Variants in CCDC70 observed in about 807,000 individuals in gnomAD.
CCDC70 encodes coiled-coil domain-containing protein 70.
A neutral mutation model predicts 9.1 loss-of-function variants in CCDC70; 4 were observed. The ratio of observed to expected loss-of-function variants is 0.44; its 90% CI spans 0.22 to 1.00. The LOEUF is 1.00. Among genes scored for constraint, CCDC70 ranks in the 50% least tolerant of loss-of-function variants. CCDC70 has a pLI of 0.25. For missense variants in CCDC70, 308 were observed against 271.3 expected, an observed-to-expected ratio of 1.14 and a Z score of -0.95; for synonymous variants, 119 against 94.0, an observed-to-expected ratio of 1.27 and a Z score of -1.54.
chr13:51,865,799 G>A lies in CCDC70; in HGVS notation c.388G>A (p.Ala130Thr). 1.2e-6 allele frequency: 2 copies of A among 1,614,256 alleles called. No homozygotes were observed. Among genetic ancestry groups the A allele is most frequent in the African/African-American group, 1.3e-5 (1 of 75,062 alleles). Residue 130 changes from alanine to threonine, a missense_variant, in exon 2 of 2, where the codon GCC becomes ACC. Coordinates refer to ENST00000242819, the MANE Select transcript of CCDC70 (RefSeq NM_031290.4). ...TAAGGCCTTCTGGAAAGAGGACAAT[G>A]CCTTATGGGAAAGAGACCGGAACCT... Reference protein sequence around the residue: ...EDKAFWKEDNALWERDRNLLQ... With the variant: ...EDKAFWKEDNTLWERDRNLLQ...
At position 51,866,073 on chromosome 13, in the gene CCDC70, G is replaced by A; in HGVS notation, c.662G>A (p.Arg221Lys). Residue 221 changes from arginine (R) to lysine (K), a missense_variant, in exon 2 of 2, where the codon AGG (arginine) becomes AAG (lysine). Physicochemically the swap from Arg to Lys is conservative, Grantham distance 26 (BLOSUM62 2). Coordinates refer to ENST00000242819, the MANE Select transcript of CCDC70 (RefSeq NM_031290.4). ...CGCTTGCTGGCCTTCTCCCGAGGCA[G>A]GGCGTAGCCAGCATGCAGGTGCAGG... The part of the protein sequence containing the change: ...GQRLLAFSRG[R>K]A The A allele has an allele frequency of 6.4e-7, 1 of 1,571,320 alleles. No individual in the cohort carries two copies. The highest frequency in any genetic ancestry group is 8.6e-7 in the Non-Finnish European group (1 of 1,161,576).
intron 1 of CCDC70, 124 bp downstream of exon 1, chr13:51,862,353 G>A (rs1023384106): frequency 1.3e-5 from 2 of 152,204 alleles, no homozygotes; most frequent in Non-Finnish European, 1.5e-5. Context: ...TGTATCTTTA[G>A]TGCATGTTTT....
At position 51,865,383 on chromosome 13, in the gene CCDC70, C is replaced by T; in HGVS notation, c.-29C>T. On this transcript the variant is annotated 5_prime_UTR_variant, in exon 2 of 2. Coordinates refer to ENST00000242819, the MANE Select transcript of CCDC70 (RefSeq NM_031290.4). Reference sequence around the variant, plus strand: ...CCAAGGGTCCTGTCATCCCTCATGGCCACCCCGCCATTCCGGCTGATAAGG... The same window carrying T: ...CCAAGGGTCCTGTCATCCCTCATGGTCACCCCGCCATTCCGGCTGATAAGG... The T allele has an allele frequency of 6.3e-7, 1 of 1,587,430 alleles. No homozygotes were observed. Among genetic ancestry groups the T allele is most frequent in the Non-Finnish European group, 8.6e-7 (1 of 1,166,820 alleles).
intron 1 of CCDC70, among the ~76,000 whole-genome samples, chr13:51,862,528 G>C (rs1366561011): frequency 1.3e-5 from 2 of 152,188 alleles, no homozygotes; most frequent in South Asian, 2.1e-4. Context: ...TAACCCAGTA[G>C]ACGCCCATTC....
chr13:51,865,837 CAAGGCCCTGTGGGAGGAAGAA>C lies in CCDC70; in HGVS notation c.440_460del (p.Glu147_Trp153del), dbSNP rs1355286204. On this transcript the variant is annotated inframe_deletion, in exon 2 of 2. Coordinates refer to ENST00000242819, the MANE Select transcript of CCDC70 (RefSeq NM_031290.4). Reference sequence around the variant, plus strand: ...GAGACCGGAACCTTCTTCAGGAGGACAAGGCCCTGTGGGAGGAAGAAAAGGCCCTGTGGGTAGAGGAAAGAG... The same window carrying C: ...GAGACCGGAACCTTCTTCAGGAGGACAAGGCCCTGTGGGTAGAGGAAAGAG... 4.3e-6 allele frequency: 7 copies of C among 1,613,954 alleles called. No individual in the cohort carries two copies. The East Asian group carries it at 6.7e-5, about 15-fold the overall frequency.
At chr13:51,864,301 C>T (rs1437758058) in intron 1 of CCDC70, among the ~76,000 whole-genome samples, 1 of 152,166 alleles carries the variant, frequency 6.6e-6, no homozygotes, top group African/African-American at 2.4e-5. Flanking sequence ...AAGCCTCTCT[C>T]AAGTACTCAC....
chr13:51,865,987 T>C lies in CCDC70; in HGVS notation c.576T>C (p.Asn192=), dbSNP rs764778599. 9 of 1,613,860 alleles carry C rather than the reference T, an allele frequency of 5.6e-6. No individual in the cohort carries two copies. The highest frequency in any genetic ancestry group is 6.8e-6 in the Non-Finnish European group (8 of 1,179,926). The change falls in exon 2 of 2, where the codon AAT becomes AAC. Residue 192 remains asparagine, a synonymous_variant. Transcript: ENST00000242819. The part of the protein sequence containing the change: ...EEERAFWMEN[N]GHIAGEQMLE... ...AGAGGGCCTTCTGGATGGAGAACAA[T>C]GGCCACATTGCCGGAGAGCAGATGC...
At position 51,865,697 on chromosome 13, in the gene CCDC70, T is replaced by A; in HGVS notation, c.286T>A (p.Phe96Ile). 6.2e-7 allele frequency: 1 copy of A among 1,614,156 alleles called. No individual in the cohort carries two copies. Among genetic ancestry groups the A allele is most frequent in the Non-Finnish European group, 8.5e-7 (1 of 1,180,028 alleles). Residue 96 changes from phenylalanine (F) to isoleucine (I), a missense_variant, in exon 2 of 2, where the codon TTC (phenylalanine) becomes ATC (isoleucine). Physicochemically the swap from Phe to Ile is conservative, Grantham distance 21. Transcript: ENST00000242819. ...EKTFWKEEKS[F>I]WEMEKSFREE... ...AACCTTCTGGAAAGAGGAAAAATCC[T>A]TCTGGGAAATGGAAAAGTCTTTCAG...
chr13:51,863,285 G>T (rs577331), intron 1 of CCDC70, among the ~76,000 whole-genome samples: 14,602 of 152,156 alleles, frequency 0.096, 1,928 homozygotes, highest in African/African-American at 0.3. Flanking sequence ...TTCCTAGGGC[G>T]TTCAGCTTTG....
intron 1 of CCDC70, among the ~76,000 whole-genome samples, chr13:51,864,072 T>C (rs1193888334): frequency 6.6e-6 from 1 of 151,902 alleles, no homozygotes; most frequent in Non-Finnish European, 1.5e-5. Context: ...TCTTTCTCCT[T>C]CCCTCCCTCC....
intron 1 of CCDC70, among the ~76,000 whole-genome samples, chr13:51,863,816 G>A (rs1238145336): frequency 6.6e-6 from 1 of 152,144 alleles, no homozygotes; most frequent in African/African-American, 2.4e-5. Flanking sequence ...CGGATGATGG[G>A]TTGGTGAGAT....
chr13:51,865,205 C>T, intron 1 of CCDC70, 127 bp from the exon 2 acceptor site: 1 of 543,132 alleles, frequency 1.8e-6, no homozygotes, highest in Non-Finnish European at 3.2e-6. Flanking sequence ...CAAAGCTTGT[C>T]CCTCACAAAC....
In CCDC70 at chr13:51,865,801, C is replaced by CT. The variant is rs1287516499; in HGVS notation, c.392dup (p.Leu131PhefsTer31). On this transcript the variant is annotated frameshift_variant, in exon 2 of 2. Transcript: ENST00000242819. LOFTEE classifies it low-confidence loss of function (END_TRUNC). ...AGGCCTTCTGGAAAGAGGACAATGC[C>CT]TTATGGGAAAGAGACCGGAACCTTC... The CT allele has an allele frequency of 1.1e-5, 17 of 1,614,206 alleles. No homozygotes were observed. The highest frequency in any genetic ancestry group is 1.4e-5 in the Non-Finnish European group (17 of 1,180,034).
At chr13:51,862,725 T>C (rs1264129276) in intron 1 of CCDC70, among the ~76,000 whole-genome samples, 1 of 151,978 alleles carries the variant, frequency 6.6e-6, no homozygotes, top group Non-Finnish European at 1.5e-5. Context: ...TGAAGTGAGG[T>C]TGGGCAAGGA....
In CCDC70 at chr13:51,865,627, C is replaced by A; in HGVS notation, c.216C>A (p.Ile72=). 2 of 1,613,972 alleles carry A rather than the reference C, an allele frequency of 1.2e-6. No homozygotes were observed. Among genetic ancestry groups the A allele is most frequent in the South Asian group, 1.1e-5 (1 of 91,066 alleles). The change falls in exon 2 of 2, where the codon ATC becomes ATA. Residue 72 remains isoleucine (I), a synonymous_variant. Coordinates refer to ENST00000242819, the MANE Select transcript of CCDC70 (RefSeq NM_031290.4). ...AGATCCATGCTTTCCGGGGCCAGAT[C>A]CTGGGTTTTTGGGAAGAGGAGAGAC... ...RGKIHAFRGQ[I]LGFWEEERPF...
chr13:51,865,488 G>C lies in CCDC70; in HGVS notation c.77G>C (p.Arg26Pro), dbSNP rs371323657. Reference protein sequence around the residue: ...RSLAASSPSIRQKKLMHKLQE... With the variant: ...RSLAASSPSIPQKKLMHKLQE... ...CTGGCGGCATCCTCTCCCAGTATTC[G>C]CCAGAAGAAACTAATGCACAAGCTG... The change falls in exon 2 of 2, where the codon CGC becomes CCC. Residue 26 changes from arginine (R) to proline (P), a missense_variant. Coordinates refer to ENST00000242819, the MANE Select transcript of CCDC70 (RefSeq NM_031290.4). 5.0e-6 allele frequency: 8 copies of C among 1,614,046 alleles called. No individual in the cohort carries two copies. In the African/African-American group the frequency reaches 1.1e-4, roughly 22 times the overall value.
chr13:51,862,285 T>C (rs1244391760), intron 1 of CCDC70, 56 bp downstream of exon 1: 2 of 152,232 alleles, frequency 1.3e-5, no homozygotes, highest in African/African-American at 2.4e-5. Flanking sequence ...TAAGGTAATA[T>C]ATAATATTTT....
chr13:51,865,312 C>A lies in CCDC70; in HGVS notation c.-80-20C>A, dbSNP rs963436698. ...TGGCATGTGATACTCATAGATCTGT[C>A]TTTTCTGCTGCCCCCACAGGGTCTG... On this transcript the variant is annotated intron_variant, in intron 1 of 1. Transcript: ENST00000242819. The A allele has an allele frequency of 1.4e-4, 188 of 1,364,110 alleles. No homozygotes were observed. The highest frequency in any genetic ancestry group is 1.8e-4 in the Non-Finnish European group (179 of 996,904). The allele number at this position is 1,364,110 out of a possible 1,614,324, so 84.5% of individuals were successfully genotyped here. A position where few individuals can be genotyped will look rare whatever the true frequency, so the allele number is the denominator to read the frequency against.
intron 1 of CCDC70, among the ~76,000 whole-genome samples, chr13:51,864,499 TTCTC>T: frequency 6.6e-6 from 1 of 152,380 alleles, no homozygotes; most frequent in East Asian, 1.9e-4. Context: ...CTGATCCTGC[TTCTC>T]TCTTTCAGCA....
Sources: gnomAD v4.1 joint callset for allele counts (sites outside exome capture counted in the v4.1 genomes callset) on GRCh38, gnomAD v4.1.1 for gene constraint, MANE v1.5 for transcripts, NCBI Gene and HGNC (gene_info 2026-07-23, HGNC 2026-07-21) for gene names.